Variants in DTNA observed in about 807,000 individuals in gnomAD.
The protein encoded by DTNA is dystrophin-related protein 3.
In DTNA, 43 loss-of-function variants were observed where a neutral mutation model predicts 100.7. The ratio of observed to expected loss-of-function variants is 0.43; its 90% CI spans 0.33 to 0.55. The LOEUF is 0.55. Among genes scored for constraint, DTNA ranks in the 20% least tolerant of loss-of-function variants. The pLI, the probability that DTNA is intolerant of heterozygous loss-of-function variation, is 0.04. For missense variants in DTNA, 798 were observed against 953.9 expected (o/e 0.84, Z 2.15); for synonymous variants, 349 against 347.9 (o/e 1.00, Z -0.04).
At chr18:34,670,680 A>C (rs992710127) in intron 1 of DTNA, among the ~76,000 whole-genome samples, 36 of 152,192 alleles carry the variant, frequency 2.4e-4, no homozygotes, top group African/African-American at 8.2e-4. Context: ...AGTTTGCTGG[A>C]GGTCCACTCC....
intron 1 of DTNA, among the ~76,000 whole-genome samples, chr18:34,499,051 C>T (rs954390699): frequency 1.8e-4 from 28 of 152,170 alleles, no homozygotes; most frequent in Admixed American, 1.4e-3. Context: ...AGGATGTTGA[C>T]GTTGATACAG....
At chr18:34,529,314 A>G (rs2042929031) in intron 1 of DTNA, among the ~76,000 whole-genome samples, 1 of 152,130 alleles carries the variant, frequency 6.6e-6, no homozygotes, top group South Asian at 2.1e-4. Flanking sequence ...ATGTTACAGT[A>G]TGTGATTGAA....
At chr18:34,611,052 T>C (rs2054116125) in intron 1 of DTNA, among the ~76,000 whole-genome samples, 1 of 152,206 alleles carries the variant, frequency 6.6e-6, no homozygotes, top group African/African-American at 2.4e-5. Context: ...CTTTGGATTT[T>C]GAGAAAGAGG....
intron 7 of DTNA, among the ~76,000 whole-genome samples, chr18:34,817,031 G>A (rs1343953768): frequency 4.6e-5 from 7 of 152,132 alleles, no homozygotes; most frequent in Admixed American, 3.3e-4. Flanking sequence ...ATGAGTTCAC[G>A]TTACTGTTTA....
intron 1 of DTNA, among the ~76,000 whole-genome samples, chr18:34,702,169 G>T (rs774633094): frequency 6.6e-6 from 1 of 152,008 alleles, no homozygotes; most frequent in Non-Finnish European, 1.5e-5. Context: ...TCACGGACTC[G>T]GGTCTCCCTT....
intron 1 of DTNA, among the ~76,000 whole-genome samples, chr18:34,501,869 CTG>C (rs1361105437): frequency 6.6e-6 from 1 of 152,180 alleles, no homozygotes; most frequent in African/African-American, 2.4e-5. Flanking sequence ...TGGTGTCTCT[CTG>C]TGTGTCCAAA....
intron 1 of DTNA, among the ~76,000 whole-genome samples, chr18:34,611,185 C>G (rs1372690608): frequency 6.6e-6 from 1 of 152,088 alleles, no homozygotes; most frequent in Non-Finnish European, 1.5e-5. Flanking sequence ...AAAAAAAATT[C>G]TCTTGGATCT....
chr18:34,535,985 C>T (rs1353627688), intron 1 of DTNA, among the ~76,000 whole-genome samples: 7 of 152,068 alleles, frequency 4.6e-5, no homozygotes, highest in African/African-American at 1.7e-4. Context: ...AAGTTTACCT[C>T]TGCTTCTGAA....
chr18:34,684,014 G>T (rs2078502661), intron 1 of DTNA, among the ~76,000 whole-genome samples: 1 of 152,096 alleles, frequency 6.6e-6, no homozygotes, highest in Admixed American at 6.6e-5. Flanking sequence ...TTATGATGTT[G>T]CCTGTAGGGT....
At chr18:34,766,512 G>A (rs564263503) in intron 3 of DTNA, among the ~76,000 whole-genome samples, 257 of 151,916 alleles carry the variant, frequency 1.7e-3, no homozygotes, top group Non-Finnish European at 3.2e-3. Context: ...ATCACACTCC[G>A]GGGCCTGTTG....
intron 1 of DTNA, among the ~76,000 whole-genome samples, chr18:34,679,784 T>C (rs542763960): frequency 3.3e-5 from 5 of 152,272 alleles, no homozygotes; most frequent in Non-Finnish European, 7.4e-5. Context: ...ATGAAAGACT[T>C]ACCGTCTTTT....
At chr18:34,495,066 T>G (rs963896274) in intron 1 of DTNA, among the ~76,000 whole-genome samples, 12 of 152,106 alleles carry the variant, frequency 7.9e-5, no homozygotes, top group East Asian at 1.9e-4. Flanking sequence ...CACAGAGAGA[T>G]AAAATAACTT....
intron 1 of DTNA, among the ~76,000 whole-genome samples, chr18:34,567,169 T>C (rs1285053246): frequency 1.3e-5 from 2 of 152,186 alleles, no homozygotes. Context: ...CGTGCTTGCG[T>C]CAACTAACAT....
chr18:34,516,288 G>A (rs1304653489), intron 1 of DTNA, among the ~76,000 whole-genome samples: 2 of 152,120 alleles, frequency 1.3e-5, no homozygotes, highest in Non-Finnish European at 2.9e-5. Context: ...AATAGGTTGT[G>A]CATCACAGAG....
intron 6 of DTNA, among the ~76,000 whole-genome samples, chr18:34,814,165 A>G (rs1023246884): frequency 6.6e-6 from 1 of 152,132 alleles, no homozygotes; most frequent in Non-Finnish European, 1.5e-5. Flanking sequence ...TGTTTTGTGC[A>G]CTTTCAGTTC....
chr18:34,867,873 G>C, intron 17 of DTNA: 1 of 985,404 alleles, frequency 1.0e-6, no homozygotes, highest in Middle Eastern at 5.2e-4. Flanking sequence ...GCCAACAGCG[G>C]GTACTGCGGT....
At position 34,884,981 on chromosome 18, in the gene DTNA, G is replaced by T. The variant is rs565255; in HGVS notation, c.*31+205G>T. Among the ~76,000 whole-genome samples the T allele has an allele frequency of 0.091, 13,884 of 152,018 alleles. 1,430 individuals carry two copies. Among genetic ancestry groups the T allele is most frequent in the African/African-American group, 0.25 (10,375 of 41,390 alleles). On this transcript the variant is annotated intron_variant, in intron 22 of 22. Transcript: ENST00000444659. ...GAGATTTGCCAGACATCCTTGGGAG[G>T]TGACTTCTTACTCTATTAGCTAGGA...
chr18:34,699,996 T>G (rs2081146899), intron 1 of DTNA, among the ~76,000 whole-genome samples: 1 of 152,192 alleles, frequency 6.6e-6, no homozygotes, highest in African/African-American at 2.4e-5. Context: ...CTCTCTGGCG[T>G]TCAATTAATA....
At chr18:34,624,948 A>G (rs974149799) in intron 1 of DTNA, among the ~76,000 whole-genome samples, 1 of 152,142 alleles carries the variant, frequency 6.6e-6, no homozygotes, top group African/African-American at 2.4e-5. Flanking sequence ...GGCTCACTGC[A>G]ACCTCTGCCT....
Sources: allele counts gnomAD v4.1 joint callset (sites outside exome capture counted in the v4.1 genomes callset), GRCh38; gene constraint gnomAD v4.1.1; transcripts MANE v1.5; gene names NCBI Gene and HGNC (gene_info 2026-07-23, HGNC 2026-07-21).